ERBB4: variants seen among roughly 807,000 people sequenced by gnomAD.
The protein encoded by ERBB4 is erb-b2 receptor tyrosine kinase 4.
A neutral mutation model predicts 158.0 loss-of-function variants in ERBB4; 42 were observed. That is an observed-to-expected ratio of 0.27 (90% confidence interval 0.21 to 0.34). The LOEUF (loss-of-function observed/expected upper bound fraction) is 0.34. Ranked by LOEUF, ERBB4 falls within the 10% of genes least tolerant of loss-of-function variation. The pLI is 1.00. For synonymous variants in ERBB4, 583 were observed against 558.7 expected (o/e 1.04, Z -0.61); for missense variants, 1,333 against 1,624.1 (o/e 0.82, Z 3.08).
chr2:211,685,010 C>T (rs906743447), intron 12 of ERBB4, among the ~76,000 whole-genome samples: 7 of 152,214 alleles, frequency 4.6e-5, no homozygotes, highest in Admixed American at 3.3e-4. Flanking sequence ...TACTGTACAG[C>T]AGGCATAAGA....
chr2:212,282,979 A>G (rs1304435095), intron 1 of ERBB4, among the ~76,000 whole-genome samples: 2 of 151,972 alleles, frequency 1.3e-5, no homozygotes, highest in East Asian at 3.9e-4. Context: ...TTTGGGTCAG[A>G]GACAGATTGG....
intron 1 of ERBB4, among the ~76,000 whole-genome samples, chr2:212,185,882 G>T (rs1318889849): frequency 6.6e-6 from 1 of 152,018 alleles, no homozygotes; most frequent in African/African-American, 2.4e-5. Flanking sequence ...CAATATTATA[G>T]AATTTTTTCC....
intron 16 of ERBB4, among the ~76,000 whole-genome samples, chr2:211,651,555 A>T (rs372384585): frequency 6.6e-6 from 1 of 152,268 alleles, no homozygotes; most frequent in East Asian, 1.9e-4. Context: ...CTTGACCTGA[A>T]GATAGAAAGA....
At chr2:211,695,050 T>A (rs1297604295) in intron 12 of ERBB4, among the ~76,000 whole-genome samples, 1 of 152,184 alleles carries the variant, frequency 6.6e-6, no homozygotes, top group Non-Finnish European at 1.5e-5. Flanking sequence ...CTTATGATGT[T>A]ATAGTAAGTA....
At chr2:212,370,418 G>A (rs374158993) in intron 1 of ERBB4, among the ~76,000 whole-genome samples, 2 of 152,114 alleles carry the variant, frequency 1.3e-5, no homozygotes, top group Non-Finnish European at 2.9e-5. Context: ...ATTCAGAAAC[G>A]TGCAAGGCAC....
intron 3 of ERBB4, among the ~76,000 whole-genome samples, chr2:211,817,930 C>G (rs892705993): frequency 6.6e-6 from 1 of 152,160 alleles, no homozygotes; most frequent in African/African-American, 2.4e-5. Flanking sequence ...TACGTTCTTG[C>G]AGGCTGGATG....
intron 2 of ERBB4, among the ~76,000 whole-genome samples, chr2:211,962,583 G>T (rs576476651): frequency 2.0e-5 from 3 of 152,124 alleles, no homozygotes; most frequent in Non-Finnish European, 4.4e-5. Flanking sequence ...GATTTATTTT[G>T]TAGAATTATG....
intron 1 of ERBB4, among the ~76,000 whole-genome samples, chr2:212,401,832 A>G (rs556414899): frequency 2.0e-5 from 3 of 152,270 alleles, no homozygotes; most frequent in South Asian, 4.1e-4. Flanking sequence ...TCGGGATGCC[A>G]TTACATACCT....
intron 16 of ERBB4, among the ~76,000 whole-genome samples, chr2:211,655,864 G>T (rs193009207): frequency 7.2e-5 from 11 of 152,286 alleles, no homozygotes; most frequent in South Asian, 6.2e-4. Context: ...CAGTGCCACT[G>T]TTGTAGAAAT....
chr2:212,441,254 C>T (rs768088696), intron 1 of ERBB4, among the ~76,000 whole-genome samples: 2 of 152,192 alleles, frequency 1.3e-5, no homozygotes, highest in Non-Finnish European at 2.9e-5. Context: ...CCCCTCCCAA[C>T]CCATGCTGTC....
At chr2:212,407,484 A>G (rs995391261) in intron 1 of ERBB4, among the ~76,000 whole-genome samples, 1 of 152,082 alleles carries the variant, frequency 6.6e-6, no homozygotes, top group Admixed American at 6.6e-5. Flanking sequence ...GTAAATGACA[A>G]AGCCAGGGTT....
intron 3 of ERBB4, among the ~76,000 whole-genome samples, chr2:211,862,766 TGTGA>T (rs750239028): frequency 6.6e-6 from 1 of 152,154 alleles, no homozygotes; most frequent in African/African-American, 2.4e-5. Context: ...AAAAATAAAG[TGTGA>T]GTAAGATAAT....
Position 211,862,165 on chromosome 2 carries a change from T to G in ERBB4, c.422-74006A>C, listed in dbSNP as rs116524714. On this transcript the variant is annotated intron_variant, in intron 3 of 27. Coordinates refer to ENST00000342788, the MANE Select transcript of ERBB4 (RefSeq NM_005235.3). ...TCTGATTGCATGACATGTAGAATAA[T>G]CATTAGATCTAGCAAGTGTTTATTT... Among the ~76,000 whole-genome samples, 793 of 152,260 alleles carry G rather than the reference T, an allele frequency of 5.2e-3. 7 individuals are homozygous for G. The highest frequency in any genetic ancestry group is 0.013 in the African/African-American group (556 of 41,568).
At chr2:212,474,839 T>TTTTTTTTGTG (rs1245995165) in intron 1 of ERBB4, among the ~76,000 whole-genome samples, 14 of 136,218 alleles carry the variant, frequency 1.0e-4, no homozygotes, top group African/African-American at 3.4e-4. Context: ...TTTTTTTTTT[T>TTTTTTTTGTG]TGTCAAGACA....
chr2:211,515,663 C>T (rs2066003351), intron 20 of ERBB4, among the ~76,000 whole-genome samples: 1 of 151,016 alleles, frequency 6.6e-6, no homozygotes, highest in African/African-American at 2.4e-5. Flanking sequence ...TGCTATCGTG[C>T]AAGGGTAATA....
At chr2:212,087,757 A>G (rs1220716568) in intron 2 of ERBB4, among the ~76,000 whole-genome samples, 1 of 152,104 alleles carries the variant, frequency 6.6e-6, no homozygotes, top group Non-Finnish European at 1.5e-5. Flanking sequence ...GCTAAATTCT[A>G]ATAACATTCT....
At chr2:211,626,235 A>G (rs1447963484) in intron 17 of ERBB4, among the ~76,000 whole-genome samples, 1 of 152,220 alleles carries the variant, frequency 6.6e-6, no homozygotes, top group Non-Finnish European at 1.5e-5. Context: ...ATGTCTCATT[A>G]ATATATTTTT....
At chr2:211,460,344 A>G (rs964036593) in intron 20 of ERBB4, among the ~76,000 whole-genome samples, 5 of 152,196 alleles carry the variant, frequency 3.3e-5, no homozygotes, top group Non-Finnish European at 7.4e-5. Context: ...TCAGTATTAC[A>G]CATGAAGCCT....
intron 15 of ERBB4, among the ~76,000 whole-genome samples, chr2:211,658,700 G>A (rs1309712758): frequency 1.3e-5 from 2 of 152,020 alleles, no homozygotes; most frequent in East Asian, 1.9e-4. Context: ...AATAATGAAC[G>A]CAAACAATAA....
Sources: gnomAD v4.1 joint callset for allele counts (sites outside exome capture counted in the v4.1 genomes callset) on GRCh38, gnomAD v4.1.1 for gene constraint, MANE v1.5 for transcripts, NCBI Gene and HGNC (gene_info 2026-07-23, HGNC 2026-07-21) for gene names.